Variants in STAT5B observed in about 807,000 individuals in gnomAD.
STAT5B encodes signal transducer and activator of transcription 5B, also known as transcription factor STAT5B.
A neutral mutation model predicts 107.8 loss-of-function variants in STAT5B; 21 were observed. That is an observed-to-expected ratio of 0.19 (90% CI 0.14 to 0.28). STAT5B has a LOEUF of 0.28. Ranked by LOEUF, STAT5B falls within the 10% of genes least tolerant of loss-of-function variation. STAT5B has a pLI of 1.00. For synonymous variants in STAT5B, 325 were observed against 401.7 expected, an observed-to-expected ratio of 0.81 and a Z score of 2.28; for missense variants, 565 against 1,008.2, an observed-to-expected ratio of 0.56 and a Z score of 5.95.
At chr17:42,213,784 C>G (rs2080148758) in intron 12 of STAT5B, among the ~76,000 whole-genome samples, 3 of 150,464 alleles carry the variant, frequency 2.0e-5, no homozygotes, top group Non-Finnish European at 4.4e-5. Context: ...CCACCTCGGC[C>G]TCCCAAAGTG....
chr17:42,202,705 TG>T (rs2080055245), intron 17 of STAT5B, 51 bp downstream of exon 17: 1 of 1,612,388 alleles, frequency 6.2e-7, no homozygotes, highest in East Asian at 2.2e-5. Context: ...AGGCAGGGTC[TG>T]GGGGAGGAGG....
At chr17:42,234,164 G>A (rs989106266) in intron 1 of STAT5B, 1 of 152,204 alleles carries the variant, frequency 6.6e-6, no homozygotes, top group Non-Finnish European at 1.5e-5. Flanking sequence ...AAGTGTGTCA[G>A]GAAATAAAAA....
At chr17:42,218,020 T>C in intron 9 of STAT5B, 131 bp downstream of exon 9, 4 of 1,486,488 alleles carry the variant, frequency 2.7e-6, no homozygotes, top group Non-Finnish European at 1.8e-6. Context: ...AACTTCCTTA[T>C]ATTCCTTTGC....
intron 5 of STAT5B, among the ~76,000 whole-genome samples, chr17:42,222,173 G>GTGTGTGTGCTGTGTTGTC (rs1448034055): frequency 6.6e-6 from 1 of 150,438 alleles, no homozygotes; most frequent in Non-Finnish European, 1.5e-5. Flanking sequence ...TGTGTGGTGT[G>GTGTGTGTGCTGTGTTGTC]TGTGTGTGCT....
chr17:42,262,896 GTATATATA>G (rs571521187), intron 1 of STAT5B, among the ~76,000 whole-genome samples: 3 of 111,816 alleles, frequency 2.7e-5, no homozygotes, highest in African/African-American at 1.0e-4. Context: ...ATATATGTGT[GTATATATA>G]TGTGTATATA....
intron 11 of STAT5B, 45 bp downstream of exon 11, chr17:42,217,115 A>G (rs1298531077): frequency 6.3e-7 from 1 of 1,589,260 alleles, no homozygotes; most frequent in Non-Finnish European, 8.6e-7. Context: ...AGTACACCAC[A>G]CACACACACG....
At position 42,262,794 on chromosome 17, in the gene STAT5B, A is replaced by G. The variant is rs561631208; in HGVS notation, c.-11+13454T>C. 9.9e-5 allele frequency among the ~76,000 whole-genome samples: 11 copies of G among 111,128 alleles called. No individual in the cohort carries two copies. The South Asian group carries it at 2.1e-3, about 22-fold the overall frequency. The allele number at this position is 111,128 out of a possible 152,430, so 72.9% of individuals were successfully genotyped here. A position where few individuals can be genotyped will look rare whatever the true frequency, so the allele number is the denominator to read the frequency against. ...CATATATGTATATATATACACATAT[A>G]TATGTGTGTATATATACACACATAT... On this transcript the variant is annotated intron_variant, in intron 1 of 18. Coordinates refer to ENST00000293328, the MANE Select transcript of STAT5B (RefSeq NM_012448.4).
intron 3 of STAT5B, among the ~76,000 whole-genome samples, chr17:42,226,311 T>A (rs908389323): frequency 6.6e-6 from 1 of 152,084 alleles, no homozygotes; most frequent in African/African-American, 2.4e-5. Flanking sequence ...TAAAGGAGAT[T>A]AAAGAGACAT....
intron 1 of STAT5B, among the ~76,000 whole-genome samples, chr17:42,258,472 A>T (rs1279344818): frequency 2.6e-5 from 4 of 152,222 alleles, no homozygotes; most frequent in Non-Finnish European, 4.4e-5. Context: ...TGAGGTCAGG[A>T]GTTTGAGACC....
intron 13 of STAT5B, among the ~76,000 whole-genome samples, chr17:42,211,082 TC>T (rs2080124723): frequency 6.6e-6 from 1 of 151,502 alleles, no homozygotes; most frequent in African/African-American, 2.4e-5. Flanking sequence ...GTGCCTGTAA[TC>T]CCGGCTACTC....
At chr17:42,255,156 G>C (rs2080532476) in intron 1 of STAT5B, among the ~76,000 whole-genome samples, 1 of 152,140 alleles carries the variant, frequency 6.6e-6, no homozygotes. Flanking sequence ...CTGCAGCTGA[G>C]GTCCCCTGTG....
intron 3 of STAT5B, among the ~76,000 whole-genome samples, chr17:42,225,957 G>A (rs2080269370): frequency 6.6e-6 from 1 of 152,048 alleles, no homozygotes; most frequent in African/African-American, 2.4e-5. Context: ...TTTTTGAGAT[G>A]GAATTTCACT....
chr17:42,287,326 A>C, the STAT5B span, among the ~76,000 whole-genome samples: 1 of 135,838 alleles, frequency 7.4e-6, no homozygotes, highest in Admixed American at 6.9e-5. Flanking sequence ...GCAGATGAGA[A>C]TGCACCCCCC....
chr17:42,202,503 T>A, intron 17 of STAT5B, 56 bp from the exon 18 acceptor site: 3 of 1,594,250 alleles, frequency 1.9e-6, no homozygotes. Context: ...GCAGCTGACT[T>A]GGGGAGGGGA....
chr17:42,209,923 T>C (rs971112466), intron 15 of STAT5B, among the ~76,000 whole-genome samples: 2 of 152,240 alleles, frequency 1.3e-5, no homozygotes, highest in Non-Finnish European at 2.9e-5. Context: ...GGTAGCCATG[T>C]CATGGTTAAA....
chr17:42,243,763 G>A (rs2080425411), intron 1 of STAT5B, among the ~76,000 whole-genome samples: 1 of 152,196 alleles, frequency 6.6e-6, no homozygotes, highest in Non-Finnish European at 1.5e-5. Flanking sequence ...CTCTCACTTT[G>A]AAACTGTCCC....
chr17:42,243,309 T>C lies in STAT5B; in HGVS notation c.-10-11172A>G, dbSNP rs563596964. On this transcript the variant is annotated intron_variant, in intron 1 of 18. Coordinates refer to ENST00000293328, the MANE Select transcript of STAT5B (RefSeq NM_012448.4). The stretch of plus-strand genomic sequence containing the variant: ...AGGCAGAGGTTGTGGTGAGCTGAGA[T>C]TGCGCCACTTGCACTCCAGGCTGGG... 6.3e-4 allele frequency among the ~76,000 whole-genome samples: 96 copies of C among 152,234 alleles called. No homozygotes were observed. The South Asian group carries it at 0.011, about 17-fold the overall frequency.
At chr17:42,202,916 T>C in intron 16 of STAT5B, 108 bp from the exon 17 acceptor site, 1 of 1,376,484 alleles carries the variant, frequency 7.3e-7, no homozygotes, top group Non-Finnish European at 1.0e-6. Flanking sequence ...ACCTAACTTA[T>C]CTAAGGATAT....
chr17:42,246,974 G>A (rs747962874), intron 1 of STAT5B, among the ~76,000 whole-genome samples: 12 of 152,188 alleles, frequency 7.9e-5, no homozygotes, highest in Non-Finnish European at 1.3e-4. Flanking sequence ...CAACAGAACC[G>A]GGGAGAAATC....
Sources: gnomAD v4.1 joint callset for allele counts (sites outside exome capture counted in the v4.1 genomes callset) on GRCh38, gnomAD v4.1.1 for gene constraint, MANE v1.5 for transcripts, NCBI Gene and HGNC (gene_info 2026-07-23, HGNC 2026-07-21) for gene names.